TIAM1: variants seen among roughly 807,000 people sequenced by gnomAD.
TIAM1 encodes TIAM Rac1 associated GEF 1.
In TIAM1, 65 loss-of-function variants were observed where a neutral mutation model predicts 163.5. That is an observed-to-expected ratio of 0.40 (90% CI 0.33 to 0.49). The LOEUF (loss-of-function observed/expected upper bound fraction) is 0.49. Among genes scored for constraint, TIAM1 ranks in the 20% least tolerant of loss-of-function variants. TIAM1 has a pLI of 0.77. For missense variants in TIAM1, 1,789 were observed against 2,044.7 expected (o/e 0.87, Z 2.41); for synonymous variants, 833 against 810.1 (o/e 1.03, Z -0.48).
chr21:31,437,228 C>G (rs558074131), intron 2 of TIAM1, among the ~76,000 whole-genome samples: 1 of 152,102 alleles, frequency 6.6e-6, no homozygotes, highest in South Asian at 2.1e-4. Context: ...AACATACTCC[C>G]ATGTCACTAA....
intron 1 of TIAM1, among the ~76,000 whole-genome samples, chr21:31,487,971 C>T (rs1441889553): frequency 6.6e-6 from 1 of 152,318 alleles, no homozygotes; most frequent in South Asian, 2.1e-4. Context: ...GGATTACAGG[C>T]ACGAGCCACT....
At chr21:31,230,759 C>T (rs1244892262) in intron 6 of TIAM1, among the ~76,000 whole-genome samples, 11 of 152,186 alleles carry the variant, frequency 7.2e-5, no homozygotes. Context: ...GTCTTGAACT[C>T]CTGACCTCAA....
In TIAM1 at chr21:31,238,754, T is replaced by C. The variant is rs536582271; in HGVS notation, c.1584+6734A>G. Among the ~76,000 whole-genome samples the C allele has an allele frequency of 3.3e-5, 5 of 152,354 alleles. No individual in the cohort carries two copies. The South Asian group carries it at 1.0e-3, about 32-fold the overall frequency. On this transcript the variant is annotated intron_variant, in intron 6 of 27. Coordinates refer to ENST00000541036, the MANE Select transcript of TIAM1 (RefSeq NM_001353694.2). ...CACTTTTTACTGTAGCCACTGACTCTTGCCCACGTTCTTCTTAGGGTCAAC... is the reference window on the plus strand; with the variant it reads ...CACTTTTTACTGTAGCCACTGACTCCTGCCCACGTTCTTCTTAGGGTCAAC...
intron 22 of TIAM1, among the ~76,000 whole-genome samples, chr21:31,136,733 A>G (rs1426730506): frequency 6.6e-6 from 1 of 152,124 alleles, no homozygotes; most frequent in East Asian, 1.9e-4. Flanking sequence ...TTTTGTGTTC[A>G]GAGACAGTTT....
At chr21:31,143,782 C>T (rs868165112) in intron 20 of TIAM1, among the ~76,000 whole-genome samples, 28 of 150,252 alleles carry the variant, frequency 1.9e-4, no homozygotes, top group Admixed American at 6.6e-5. Flanking sequence ...GGCTAGAGTG[C>T]GATGGCACAC....
chr21:31,556,033 G>A (rs745412286), intron 1 of TIAM1, among the ~76,000 whole-genome samples: 1 of 152,118 alleles, frequency 6.6e-6, no homozygotes, highest in South Asian at 2.1e-4. Context: ...CTCTTTGGAC[G>A]AGCATTAGAG....
At chr21:31,345,383 C>G (rs1018605614), upstream of TIAM1, among the ~76,000 whole-genome samples, 1 of 151,680 alleles carries the variant, frequency 6.6e-6, no homozygotes, top group Non-Finnish European at 1.5e-5. Context: ...GGAAACAGTA[C>G]TCTAAAAAGG....
chr21:31,455,038 T>C (rs2045035739), intron 2 of TIAM1, among the ~76,000 whole-genome samples: 1 of 152,042 alleles, frequency 6.6e-6, no homozygotes, highest in African/African-American at 2.4e-5. Context: ...CCTAGCACTT[T>C]GGGAGGCTGA....
chr21:31,176,491 C>T (rs1041749484), intron 15 of TIAM1, among the ~76,000 whole-genome samples: 2 of 152,066 alleles, frequency 1.3e-5, no homozygotes, highest in African/African-American at 4.8e-5. Context: ...TGGCAAACAG[C>T]CAAGGATAGG....
chr21:31,154,155 T>G, intron 17 of TIAM1, 92 bp downstream of exon 17: 1 of 1,383,038 alleles, frequency 7.2e-7, no homozygotes, highest in Non-Finnish European at 9.8e-7. Flanking sequence ...ATGAACACAG[T>G]TTAAATCAGC....
rs34291568 is a variant in TIAM1 at position 31,171,035 on chromosome 21, C to CAAAAA, written c.2888-5975_2888-5971dup. The stretch of plus-strand genomic sequence containing the variant: ...TGGGTGACAGAGTGAGACTCCATCT[C>CAAAAA]AAAAAAAAAAAAAAAAAAAAAAAAA... On this transcript the variant is annotated intron_variant, in intron 15 of 27. Transcript: ENST00000541036. 7.8e-3 allele frequency among the ~76,000 whole-genome samples: 153 copies of CAAAAA among 19,550 alleles called. 12 individuals are homozygous for CAAAAA. Among genetic ancestry groups the CAAAAA allele is most frequent in the African/African-American group, 0.013 (135 of 10,018 alleles). 12.8% of individuals were successfully genotyped at this position (19,550 alleles called of 152,430 possible).
chr21:31,312,715 C>T (rs771848583), intron 2 of TIAM1, among the ~76,000 whole-genome samples: 2 of 152,126 alleles, frequency 1.3e-5, no homozygotes, highest in Non-Finnish European at 2.9e-5. Context: ...CCCAAGTTCT[C>T]GAAAGTAGCT....
rs2081936676 is a variant in TIAM1 at position 31,119,873 on chromosome 21, T to C, written c.*495A>G. ...ACCCTCTCCTCACACATTCTTAAAA[T>C]ACACGGAGATTCTCAGACATGGAAG... On this transcript the variant is annotated 3_prime_UTR_variant, in exon 28 of 28. Coordinates refer to ENST00000541036, the MANE Select transcript of TIAM1 (RefSeq NM_001353694.2). The C allele has an allele frequency of 1.3e-5, 2 of 151,752 alleles. No individual in the cohort carries two copies. Among genetic ancestry groups the C allele is most frequent in the African/African-American group, 4.9e-5 (2 of 41,178 alleles). 9.4% of individuals were successfully genotyped at this position (151,752 alleles called of 1,614,324 possible).
intron 2 of TIAM1, among the ~76,000 whole-genome samples, chr21:31,314,657 T>C (rs2075043877): frequency 6.6e-6 from 1 of 152,198 alleles, no homozygotes; most frequent in African/African-American, 2.4e-5. Context: ...AATTATTTTA[T>C]AAACTCCCAA....
chr21:31,445,134 A>G (rs2044573204), intron 2 of TIAM1, among the ~76,000 whole-genome samples: 1 of 149,308 alleles, frequency 6.7e-6, no homozygotes, highest in Non-Finnish European at 1.5e-5. Context: ...CTCCTAGCAT[A>G]TGAGATACAA....
At chr21:31,241,856 A>G (rs982526437) in intron 6 of TIAM1, among the ~76,000 whole-genome samples, 2 of 152,116 alleles carry the variant, frequency 1.3e-5, no homozygotes, top group Non-Finnish European at 2.9e-5. Flanking sequence ...AATATTTTTA[A>G]AAAATCAGCC....
At chr21:31,542,154 G>A (rs778968913) in intron 1 of TIAM1, among the ~76,000 whole-genome samples, 36 of 152,140 alleles carry the variant, frequency 2.4e-4, no homozygotes, top group African/African-American at 8.2e-4. Context: ...GGCCAGGTGC[G>A]GTGGCTCACG....
At position 31,251,990 on chromosome 21, in the gene TIAM1, C is replaced by T; in HGVS notation, c.1163G>A (p.Arg388Gln). The change falls in exon 5 of 28, where the codon CGG (arginine) becomes CAG (glutamine). Residue 388 changes from arginine to glutamine, a missense_variant. This residue lies in a region of TIAM1 where 555 missense variants were observed against 564.9 expected (regional missense o/e 0.98). Coordinates refer to ENST00000541036, the MANE Select transcript of TIAM1 (RefSeq NM_001353694.2). ...GGTGGTGCTCATCTCCAGCTCCCGC[C>T]GGAAGTTCTCGTACACCCCCTGACG... ...AARQGVYENFRRELEMSTTNS... is the reference protein window; with the variant it reads ...AARQGVYENFQRELEMSTTNS... 1.9e-6 allele frequency: 3 copies of T among 1,613,934 alleles called. No individual in the cohort carries two copies. The highest frequency in any genetic ancestry group is 2.2e-5 in the East Asian group (1 of 44,880).
At chr21:31,171,794 G>T (rs977255473) in intron 15 of TIAM1, among the ~76,000 whole-genome samples, 13 of 152,154 alleles carry the variant, frequency 8.5e-5, no homozygotes. Context: ...GCAGTCTCTG[G>T]TCTTGCCCTG....
Sources: allele counts gnomAD v4.1 joint callset (sites outside exome capture counted in the v4.1 genomes callset), GRCh38; gene constraint gnomAD v4.1.1; regional missense constraint gnomAD v4.1.1; transcripts MANE v1.5; gene names NCBI Gene and HGNC (gene_info 2026-07-23, HGNC 2026-07-21).